The following RABGAP1 variants were observed in gnomAD, a reference collection of about 807,000 sequenced individuals.
RABGAP1 encodes the protein rab GTPase-activating protein 1.
A neutral mutation model predicts 137.6 loss-of-function variants in RABGAP1; 23 were observed. That is an observed-to-expected ratio of 0.17 (90% CI 0.12 to 0.24). RABGAP1 has a LOEUF of 0.24. RABGAP1 is among the 10% of genes least tolerant of loss of function. The pLI is 1.00. For missense variants in RABGAP1, 906 were observed against 1,275.8 expected (o/e 0.71, Z 4.42); for synonymous variants, 451 against 450.7 (o/e 1.00, Z -0.01).
At chr9:122,949,978 T>C (rs943450116) in intron 1 of RABGAP1, among the ~76,000 whole-genome samples, 6 of 152,164 alleles carry the variant, frequency 3.9e-5, no homozygotes, top group South Asian at 2.1e-4. Context: ...GTGTATATAG[T>C]ATGGTGTGAC....
At chr9:123,028,547 T>A (rs2131967255) in intron 13 of RABGAP1, among the ~76,000 whole-genome samples, 1 of 152,304 alleles carries the variant, frequency 6.6e-6, no homozygotes, top group African/African-American at 2.4e-5. Flanking sequence ...GCATAACAGA[T>A]GTGGTCTTAA....
intron 1 of RABGAP1, among the ~76,000 whole-genome samples, chr9:122,953,786 T>C (rs1441706268): frequency 6.6e-6 from 1 of 152,234 alleles, no homozygotes; most frequent in Non-Finnish European, 1.5e-5. Flanking sequence ...TTTGTCAATT[T>C]ATAAAAGGTG....
At chr9:123,009,984 G>C (rs1271481381) in intron 10 of RABGAP1, among the ~76,000 whole-genome samples, 1 of 152,188 alleles carries the variant, frequency 6.6e-6, no homozygotes. Context: ...CTTGAAGGAT[G>C]CCTTCACTAA....
At chr9:123,023,168 T>C (rs1423626566) in intron 13 of RABGAP1, among the ~76,000 whole-genome samples, 1 of 151,964 alleles carries the variant, frequency 6.6e-6, no homozygotes, top group Non-Finnish European at 1.5e-5. Context: ...CTTAGGTTAG[T>C]TTTGATTGTT....
rs145825806 is a variant in RABGAP1 at position 122,955,043 on chromosome 9, G to T, written c.-49-1968G>T. On this transcript the variant is annotated intron_variant, in intron 1 of 25. Transcript: ENST00000373647. ...GTTCTTTGGATTCTGGGGTGAGAAC[G>T]GGCAAGTGGACTGAGAAGACTACTA... is the stretch of plus-strand genomic sequence containing the variant. Among the ~76,000 whole-genome samples, 3 of 152,222 alleles carry T rather than the reference G, an allele frequency of 2.0e-5. No individual in the cohort carries two copies. The South Asian group carries it at 6.2e-4, about 32-fold the overall frequency.
At chr9:123,072,015 T>A (rs1314088043) in intron 15 of RABGAP1, among the ~76,000 whole-genome samples, 1 of 152,178 alleles carries the variant, frequency 6.6e-6, no homozygotes, top group African/African-American at 2.4e-5. Flanking sequence ...TCAAGGGTAT[T>A]AAGCCATTTT....
chr9:122,993,059 A>G (rs921689760), intron 6 of RABGAP1, among the ~76,000 whole-genome samples: 1 of 151,888 alleles, frequency 6.6e-6, no homozygotes, highest in Non-Finnish European at 1.5e-5. Context: ...CATACTGTGT[A>G]TAATATTAAT....
intron 13 of RABGAP1, among the ~76,000 whole-genome samples, chr9:123,022,122 TA>T (rs1193759582): frequency 6.6e-6 from 1 of 152,236 alleles, no homozygotes; most frequent in Non-Finnish European, 1.5e-5. Context: ...TAACACTACT[TA>T]TTTTTTTTGA....
intron 3 of RABGAP1, among the ~76,000 whole-genome samples, chr9:122,985,885 A>G (rs1017070138): frequency 6.6e-6 from 1 of 152,196 alleles, no homozygotes; most frequent in Non-Finnish European, 1.5e-5. Context: ...GAGCACCCCA[A>G]ATCCAATAAT....
chr9:122,943,365 G>A (rs924662457), intron 1 of RABGAP1, among the ~76,000 whole-genome samples: 3 of 151,944 alleles, frequency 2.0e-5, no homozygotes, highest in African/African-American at 4.8e-5. Context: ...CACTGCGCCC[G>A]GCCACACTTT....
chr9:122,997,856 T>C (rs1837114449), intron 9 of RABGAP1, among the ~76,000 whole-genome samples: 1 of 152,210 alleles, frequency 6.6e-6, no homozygotes, highest in Non-Finnish European at 1.5e-5. Flanking sequence ...ATTCTGAAAA[T>C]GTAATTTGCT....
chr9:122,996,452 GC>G (rs1837027525), intron 7 of RABGAP1, 86 bp from the exon 8 acceptor site: 2 of 1,294,996 alleles, frequency 1.5e-6, no homozygotes, highest in East Asian at 4.6e-5. Context: ...TTTTCTATCA[GC>G]AAGAATTTGT....
chr9:123,004,161 G>T (rs1464106324), intron 10 of RABGAP1, among the ~76,000 whole-genome samples: 2 of 152,222 alleles, frequency 1.3e-5, no homozygotes, highest in Admixed American at 6.5e-5. Context: ...TTTCTGATGG[G>T]AAGTGTGATC....
At chr9:122,956,969 C>T (rs1013865564) in intron 1 of RABGAP1, 42 bp from the exon 2 acceptor site, 2 of 1,056,212 alleles carry the variant, frequency 1.9e-6, no homozygotes, top group South Asian at 3.5e-5. Flanking sequence ...GAATATCTGG[C>T]AGACATTCTA....
chr9:123,037,595 TG>T (rs1257337778), intron 13 of RABGAP1, among the ~76,000 whole-genome samples: 1 of 152,206 alleles, frequency 6.6e-6, no homozygotes, highest in African/African-American at 2.4e-5. Flanking sequence ...TTTTCATACA[TG>T]TTAGAGAATG....
At chr9:122,969,308 T>C (rs554310095) in intron 2 of RABGAP1, among the ~76,000 whole-genome samples, 1 of 152,364 alleles carries the variant, frequency 6.6e-6, no homozygotes, top group South Asian at 2.1e-4. Context: ...CACTCTATGA[T>C]GTTCATACAA....
At chr9:123,087,983 T>TAACTAA (rs2034920834) in intron 19 of RABGAP1, among the ~76,000 whole-genome samples, 1 of 152,100 alleles carries the variant, frequency 6.6e-6, no homozygotes, top group Non-Finnish European at 1.5e-5. Flanking sequence ...GATTTCCACG[T>TAACTAA]CAGCACTTTA....
rs557335890 is a variant in RABGAP1 at position 122,960,258 on chromosome 9, A to G, written c.150+3049A>G. ...GGAACTTTCACTTCAAAGATACCCA[A>G]GTTTGATTGACTTAGACTATGGAAC... On this transcript the variant is annotated intron_variant, in intron 2 of 25. Transcript: ENST00000373647. Among the ~76,000 whole-genome samples the G allele has an allele frequency of 3.9e-5, 6 of 152,342 alleles. No individual in the cohort carries two copies. The East Asian group carries it at 5.8e-4, about 15-fold the overall frequency.
intron 2 of RABGAP1, among the ~76,000 whole-genome samples, chr9:122,968,499 A>G (rs542267827): frequency 1.5e-3 from 226 of 152,298 alleles, no homozygotes; most frequent in Middle Eastern, 6.8e-3. Context: ...CTAGGATTAC[A>G]GGCATGAGAA....
Sources: gnomAD v4.1 joint callset for allele counts (sites outside exome capture counted in the v4.1 genomes callset) on GRCh38, gnomAD v4.1.1 for gene constraint, MANE v1.5 for transcripts, NCBI Gene and HGNC (gene_info 2026-07-23, HGNC 2026-07-21) for gene names.